Variants in CTDNEP1 observed in about 807,000 individuals in gnomAD.
CTDNEP1 encodes the protein CTD nuclear envelope phosphatase 1, also known as C-terminal domain nuclear envelope phosphatase 1.
In CTDNEP1, 3 loss-of-function variants were observed where a neutral mutation model predicts 30.1. The observed-to-expected ratio is 0.10, with a 90% confidence interval of 0.05 to 0.26. The LOEUF (loss-of-function observed/expected upper bound fraction) is 0.26, where lower values mean the gene tolerates loss of function less well. Ranked by LOEUF, CTDNEP1 falls within the 10% of genes least tolerant of loss-of-function variation. The pLI, the probability that CTDNEP1 is intolerant of heterozygous loss-of-function variation, is 1.00. For synonymous variants in CTDNEP1, 123 were observed against 118.8 expected (o/e 1.04, Z -0.23); for missense variants, 158 against 310.4 (o/e 0.51, Z 3.69).
Position 7,249,399 on chromosome 17 carries a change from T to C in CTDNEP1, c.102+1796A>G, listed in dbSNP as rs74719978. The stretch of plus-strand genomic sequence containing the variant: ...TCCAGCCTTGCTATCTCGGGTTGCA[T>C]ATGCTGGGCATGTAGGGAATGCTCC... On this transcript the variant is annotated intron_variant, in intron 1 of 7. Coordinates refer to ENST00000574322, the MANE Select transcript of CTDNEP1 (RefSeq NM_001143775.2). Among the ~76,000 whole-genome samples, 4,131 of 152,204 alleles carry C rather than the reference T, an allele frequency of 0.027. 263 individuals are homozygous for C. The East Asian group carries it at 0.28, about 10-fold the overall frequency.
Position 7,247,094 on chromosome 17 carries a change from C to A in CTDNEP1, c.258G>T (p.Arg86=), listed in dbSNP as rs150474884. The change falls in exon 3 of 8, where the codon CGG becomes CGT. Residue 86 remains arginine (R), a synonymous_variant. Transcript: ENST00000574322. ...HHDGVLRPTV[R]PGTPPDFILK... The stretch of plus-strand genomic sequence containing the variant: ...GGATGAAGTCAGGAGGCGTACCAGG[C>A]CGGACTGTGGGCCTCAGGACCCCAT... 5 of 1,612,848 alleles carry A rather than the reference C, an allele frequency of 3.1e-6. No homozygotes were observed. In the African/African-American group the frequency reaches 4.0e-5, roughly 13 times the overall value.
At position 7,244,152 on chromosome 17, in the gene CTDNEP1, C is replaced by T. The variant is rs537063620; in HGVS notation, c.*33G>A. ...CCAAGGGCTCGCCCTCCCTTTCCCC[C>T]CCACCCCAACTCAGGTGGAGGGGGA... On this transcript the variant is annotated 3_prime_UTR_variant, in exon 8 of 8. Coordinates refer to ENST00000574322, the MANE Select transcript of CTDNEP1 (RefSeq NM_001143775.2). The T allele has an allele frequency of 6.2e-7, 1 of 1,613,164 alleles. No homozygotes were observed. Among genetic ancestry groups the T allele is most frequent in the Non-Finnish European group, 8.5e-7 (1 of 1,179,570 alleles).
intron 1 of CTDNEP1, among the ~76,000 whole-genome samples, chr17:7,249,310 C>A (rs893632594): frequency 2.0e-5 from 3 of 151,992 alleles, no homozygotes; most frequent in African/African-American, 7.3e-5. Context: ...GGCTCTCTCC[C>A]CCTAATCAAG....
rs374996361 is a variant in CTDNEP1, at chr17:7,246,386, G to A, written c.361-16C>T. On this transcript the variant is annotated splice_polypyrimidine_tract_variant and intron_variant, in intron 4 of 7. Transcript: ENST00000574322. The surrounding 1 kb of genome is among the most constrained non-coding windows in gnomAD (Gnocchi z 4.9). ...ACTGGCTCACCTGAAATAGATTGGG[G>A]GAGAGGGCGATGCCATACAAGGTGA... 6 of 1,570,462 alleles carry A rather than the reference G, an allele frequency of 3.8e-6. No homozygotes were observed. Among genetic ancestry groups the A allele is most frequent in the Non-Finnish European group, 5.3e-6 (6 of 1,141,572 alleles).
At position 7,246,586 on chromosome 17, in the gene CTDNEP1, G is replaced by C; in HGVS notation, c.360+205C>G. The C allele has an allele frequency of 1.5e-6, 1 of 655,338 alleles. No homozygotes were observed. Among genetic ancestry groups the C allele is most frequent in the Non-Finnish European group, 2.7e-6 (1 of 370,142 alleles). 40.6% of individuals were successfully genotyped at this position (655,338 alleles called of 1,614,324 possible). A position where few individuals can be genotyped will look rare whatever the true frequency, so the allele number is the denominator to read the frequency against. On this transcript the variant is annotated intron_variant, in intron 4 of 7. Transcript: ENST00000574322. This position sits in a 1 kb window ranked among gnomAD's most constrained non-coding sequence, Gnocchi z 4.9. ...GATTCAGAAATGCAAGAACAAAAGA[G>C]AAAGATGCCAGCGGAAAAGAATTAC...
At position 7,246,014 on chromosome 17, in the gene CTDNEP1, C is replaced by A. The variant is rs182821998; in HGVS notation, c.589+12G>T. On this transcript the variant is annotated intron_variant, in intron 6 of 7. Coordinates refer to ENST00000574322, the MANE Select transcript of CTDNEP1 (RefSeq NM_001143775.2). This position sits in a 1 kb window ranked among gnomAD's most constrained non-coding sequence, Gnocchi z 4.9. ...GTTCTGGTCCTGCCAGACTCACCAC[C>A]TTCCCCCGTACCTGGATGGCTCCTG... 1 of 1,583,824 alleles carries A rather than the reference C, an allele frequency of 6.3e-7. No individual in the cohort carries two copies. The highest frequency in any genetic ancestry group is 1.3e-5 in the African/African-American group (1 of 74,356).
At chr17:7,244,450 G>T in intron 7 of CTDNEP1, 101 bp downstream of exon 7, 1 of 1,294,706 alleles carries the variant, frequency 7.7e-7, no homozygotes. Flanking sequence ...ATTCTTAAGG[G>T]AACAGAGTTA....
At chr17:7,244,419 C>G (rs1480935359) in intron 7 of CTDNEP1, 132 bp downstream of exon 7, 2 of 1,189,662 alleles carry the variant, frequency 1.7e-6, no homozygotes, top group Admixed American at 1.9e-5. Context: ...TGAAGTAAGA[C>G]GACCTGGGTC....
Position 7,244,019 on chromosome 17 carries a change from G to A in CTDNEP1, c.*166C>T. ...CTGCTTCAGAGCCCCTGGCCCATGT[G>A]TCCATCCAGACTCCAAGTGGAGTGT... On this transcript the variant is annotated 3_prime_UTR_variant, in exon 8 of 8. Transcript: ENST00000574322. 2.8e-6 allele frequency: 4 copies of A among 1,413,372 alleles called. No individual in the cohort carries two copies. Among genetic ancestry groups the A allele is most frequent in the South Asian group, 2.9e-5 (2 of 68,698 alleles). 87.6% of individuals were successfully genotyped at this position (1,413,372 alleles called of 1,614,324 possible).
At position 7,251,207 on chromosome 17, in the gene CTDNEP1, C is replaced by T. The variant is rs1390749911; in HGVS notation, c.90G>A (p.Arg30=). Reference sequence around the variant, plus strand: ...CACCCTGGCTCACCGTGCGGATCTGCCTCCGCAGAAGGTAAATGAAGAAGC... The same window carrying T: ...CACCCTGGCTCACCGTGCGGATCTGTCTCCGCAGAAGGTAAATGAAGAAGC... ...LWSFFIYLLR[R]QIRTVIQYQT... is the part of the protein sequence containing the mutation. Residue 30 remains arginine, a synonymous_variant, in exon 1 of 8, where the codon AGG becomes AGA. Coordinates refer to ENST00000574322, the MANE Select transcript of CTDNEP1 (RefSeq NM_001143775.2). 6.2e-7 allele frequency: 1 copy of T among 1,600,626 alleles called. No homozygotes were observed. The highest frequency in any genetic ancestry group is 1.7e-5 in the Admixed American group (1 of 58,096).
rs757327361 is a variant in CTDNEP1 at position 7,246,896 on chromosome 17, T to C, written c.289-34A>G. On this transcript the variant is annotated intron_variant, in intron 3 of 7. Coordinates refer to ENST00000574322, the MANE Select transcript of CTDNEP1 (RefSeq NM_001143775.2). The surrounding 1 kb of genome is among the most constrained non-coding windows in gnomAD (Gnocchi z 4.9). Reference sequence around the variant, plus strand: ...GAACAAGATGGGCTGGGGGATGTCATGACCACCACAACCCAGGCCTAGAAA... The same window carrying C: ...GAACAAGATGGGCTGGGGGATGTCACGACCACCACAACCCAGGCCTAGAAA... 2 of 1,589,700 alleles carry C rather than the reference T, an allele frequency of 1.3e-6. No individual in the cohort carries two copies. The highest frequency in any genetic ancestry group is 8.6e-7 in the Non-Finnish European group (1 of 1,158,068).
chr17:7,249,920 G>GAA (rs2071890555), intron 1 of CTDNEP1, among the ~76,000 whole-genome samples: 2 of 151,954 alleles, frequency 1.3e-5, no homozygotes, highest in Admixed American at 1.3e-4. Context: ...GAAAAGAAAA[G>GAA]AAAACCCCAG....
At chr17:7,244,906 C>T (rs1334899233) in intron 6 of CTDNEP1, 1 of 348,784 alleles carries the variant, frequency 2.9e-6, no homozygotes, top group East Asian at 6.8e-5. Flanking sequence ...ACCTGTTATC[C>T]CAACACTTTG....
At chr17:7,248,625 G>A (rs1050477671) in intron 1 of CTDNEP1, among the ~76,000 whole-genome samples, 2 of 152,024 alleles carry the variant, frequency 1.3e-5, no homozygotes, top group Non-Finnish European at 2.9e-5. Flanking sequence ...CCAAAGTGCT[G>A]GGATTACAGG....
chr17:7,244,670 G>A, intron 6 of CTDNEP1, 35 bp from the exon 7 acceptor site: 3 of 1,442,688 alleles, frequency 2.1e-6, no homozygotes, highest in Non-Finnish European at 2.8e-6. Context: ...AGAAGAAACA[G>A]AATTCAAGAG....
In CTDNEP1 at chr17:7,246,882, G is replaced by C. The variant is rs1361871924; in HGVS notation, c.289-20C>G. The C allele has an allele frequency of 1.9e-6, 3 of 1,608,734 alleles. No homozygotes were observed. The African/African-American group carries it at 4.0e-5, about 21-fold the overall frequency. The stretch of plus-strand genomic sequence containing the variant: ...TACCACCTACAGAGGAACAAGATGG[G>C]CTGGGGGATGTCATGACCACCACAA... On this transcript the variant is annotated intron_variant, in intron 3 of 7. Transcript: ENST00000574322. The surrounding 1 kb of genome is among the most constrained non-coding windows in gnomAD (Gnocchi z 4.9).
At position 7,247,061 on chromosome 17, in the gene CTDNEP1, C is replaced by A; in HGVS notation, c.288+3G>T. The A allele has an allele frequency of 1.2e-6, 2 of 1,603,920 alleles. No homozygotes were observed. The highest frequency in any genetic ancestry group is 1.7e-6 in the Non-Finnish European group (2 of 1,172,208). On this transcript the variant is annotated splice_donor_region_variant and intron_variant, in intron 3 of 7. Transcript: ENST00000574322. ...CATTTCATCACTCCCCACCACCACA[C>A]ACCTTGAGGATGAAGTCAGGAGGCG...
Position 7,244,082 on chromosome 17 carries a change from C to A in CTDNEP1, c.*103G>T. On this transcript the variant is annotated 3_prime_UTR_variant, in exon 8 of 8. Transcript: ENST00000574322. ...GCAGAGAGGGGTGGGAGGGGCAGAC[C>A]CTGCCCAGGCAGTCCTCACATTGGA... The A allele has an allele frequency of 1.9e-6, 3 of 1,553,034 alleles. No homozygotes were observed. Among genetic ancestry groups the A allele is most frequent in the Admixed American group, 3.6e-5 (2 of 55,176 alleles).
chr17:7,251,820 A>AGGAGG (rs1243850303), upstream of CTDNEP1: 1 of 32,320 alleles, frequency 3.1e-5, no homozygotes, highest in Non-Finnish European at 1.0e-4. Context: ...AGGAGCAGGG[A>AGGAGG]AGGAGGGGGA....
Sources: gnomAD v4.1 joint callset for allele counts (sites outside exome capture counted in the v4.1 genomes callset) on GRCh38, gnomAD v4.1.1 for gene constraint, Gnocchi (gnomAD v3.1) non-coding constraint, MANE v1.5 for transcripts, NCBI Gene and HGNC (gene_info 2026-07-23, HGNC 2026-07-21) for gene names.